The following ZNF862 variants were observed in gnomAD, a reference collection of about 807,000 sequenced individuals.
The protein encoded by ZNF862 is zinc finger protein 862.
Under a neutral mutation model 91.1 loss-of-function variants are expected in ZNF862, and 64 were observed. The ratio of observed to expected loss-of-function variants is 0.70; its 90% confidence interval spans 0.57 to 0.87. The LOEUF is 0.87. Among genes scored for constraint, ZNF862 ranks in the 40% least tolerant of loss-of-function variants. The pLI is 0.00. For synonymous variants in ZNF862, 631 were observed against 618.1 expected, an observed-to-expected ratio of 1.02 and a Z score of -0.31; for missense variants, 1,459 against 1,528.0, an observed-to-expected ratio of 0.95 and a Z score of 0.75.
At chr7:149,849,503 C>T (rs1313810908) in intron 4 of ZNF862, among the ~76,000 whole-genome samples, 1 of 152,236 alleles carries the variant, frequency 6.6e-6, no homozygotes, top group Non-Finnish European at 1.5e-5. Context: ...AATTTTACAA[C>T]AAATCATTTT....
At chr7:149,842,685 A>G (rs1801748947) in intron 1 of ZNF862, among the ~76,000 whole-genome samples, 1 of 152,218 alleles carries the variant, frequency 6.6e-6, no homozygotes, top group African/African-American at 2.4e-5. Flanking sequence ...ATGGGCATGA[A>G]GAGGGATCCT....
intron 6 of ZNF862, 134 bp from the exon 7 acceptor site, chr7:149,860,248 CT>C: frequency 1.3e-6 from 1 of 789,162 alleles, no homozygotes; most frequent in Non-Finnish European, 2.0e-6. Context: ...ACGCCACTTT[CT>C]CTAGAAAGAA....
chr7:149,861,195 G>T lies in ZNF862; in HGVS notation c.2035G>T (p.Asp679Tyr). The T allele has an allele frequency of 6.2e-7, 1 of 1,612,700 alleles. No homozygotes were observed. The highest frequency in any genetic ancestry group is 8.5e-7 in the Non-Finnish European group (1 of 1,179,714). The change falls in exon 7 of 8, where the codon GAT (aspartate) becomes TAT (tyrosine). Residue 679 changes from aspartate to tyrosine, a missense_variant. Coordinates refer to ENST00000223210, the MANE Select transcript of ZNF862 (RefSeq NM_001099220.3). The surrounding 1 kb of genome is among the most constrained non-coding windows in gnomAD (Gnocchi z 6.7). ...GYFETIVSAL[D>Y]ELDIPFRKPG... ...CTTCGAGACCATCGTTTCTGCCCTG[G>T]ATGAGCTGGACATCCCCTTCCGGAA...
chr7:149,862,976 T>C (rs1802573716), intron 7 of ZNF862, among the ~76,000 whole-genome samples: 1 of 152,212 alleles, frequency 6.6e-6, no homozygotes, highest in African/African-American at 2.4e-5. Context: ...GTATAGACTC[T>C]GGACCGTGCA....
chr7:149,848,477 T>G (rs1563118970), intron 4 of ZNF862, 45 bp downstream of exon 4: 2 of 1,395,038 alleles, frequency 1.4e-6, no homozygotes, highest in Admixed American at 5.5e-5. Context: ...AGAAGGATTC[T>G]ATACTGAGAA....
chr7:149,850,376 T>C lies in ZNF862; in HGVS notation c.1117+38T>C, dbSNP rs1467830181. ...CGAGCCTCTTATTCACCACCCTCCT[T>C]TGACTTGGGAAGCCCACAAGGGGAG... On this transcript the variant is annotated intron_variant, in intron 5 of 7. Transcript: ENST00000223210. This position sits in a 1 kb window ranked among gnomAD's most constrained non-coding sequence, Gnocchi z 4.2. The C allele has an allele frequency of 6.3e-7, 1 of 1,577,858 alleles. No individual in the cohort carries two copies. The highest frequency in any genetic ancestry group is 2.3e-5 in the East Asian group (1 of 44,322).
At position 149,848,151 on chromosome 7, in the gene ZNF862, A is replaced by G; in HGVS notation, c.658A>G (p.Ile220Val). ...DPIWAARFRS[I>V]RDPPGDVLAS... ...CATCTGGGCAGCCCGGTTCCGGAGC[A>G]TCAGAGACCCACCTGGAGATGTTCT... The change falls in exon 4 of 8, where the codon ATC becomes GTC. Residue 220 changes from isoleucine to valine, a missense_variant. Ile to Val is a conservative substitution (Grantham distance 29). Coordinates refer to ENST00000223210, the MANE Select transcript of ZNF862 (RefSeq NM_001099220.3). 1.2e-6 allele frequency: 2 copies of G among 1,614,012 alleles called. No homozygotes were observed. The highest frequency in any genetic ancestry group is 1.7e-6 in the Non-Finnish European group (2 of 1,179,886).
rs1194072486 is a variant in ZNF862, at chr7:149,844,753, A to G, written c.136+17A>G. Reference sequence around the variant, plus strand: ...CACCACTGGGTATGGGTGCCCATCCACATCCCTGCCACTGTCAATTTAGAT... The same window carrying G: ...CACCACTGGGTATGGGTGCCCATCCGCATCCCTGCCACTGTCAATTTAGAT... On this transcript the variant is annotated intron_variant, in intron 2 of 7. Transcript: ENST00000223210. 2 of 1,493,314 alleles carry G rather than the reference A, an allele frequency of 1.3e-6. No homozygotes were observed. The highest frequency in any genetic ancestry group is 1.8e-6 in the Non-Finnish European group (2 of 1,089,826). The allele number at this position is 1,493,314 out of a possible 1,614,324, so 92.5% of individuals were successfully genotyped here. A position where few individuals can be genotyped will look rare whatever the true frequency, so the allele number is the denominator to read the frequency against.
intron 5 of ZNF862, chr7:149,858,856 GGGGC>G: frequency 8.2e-6 from 1 of 122,580 alleles, no homozygotes; most frequent in Non-Finnish European, 1.7e-5. Flanking sequence ...GCCAGCTGTG[GGGGC>G]AGAGGGGCAC....
At chr7:149,839,796 C>T (rs1344661437) in intron 1 of ZNF862, among the ~76,000 whole-genome samples, 2 of 152,122 alleles carry the variant, frequency 1.3e-5, no homozygotes, top group African/African-American at 2.4e-5. Flanking sequence ...TCAACAAAAC[C>T]CAAGCAAAGA....
intron 5 of ZNF862, among the ~76,000 whole-genome samples, chr7:149,853,767 A>T (rs1197960590): frequency 2.0e-5 from 3 of 152,102 alleles, no homozygotes; most frequent in African/African-American, 4.8e-5. Flanking sequence ...GCGAGACCCC[A>T]TCTCTACTAA....
chr7:149,840,522 C>G (rs1364879112), intron 1 of ZNF862, among the ~76,000 whole-genome samples: 1 of 152,082 alleles, frequency 6.6e-6, no homozygotes, highest in African/African-American at 2.4e-5. Flanking sequence ...TCAGTCATGT[C>G]CTAGGCCTTC....
chr7:149,853,853 G>T (rs6972739), intron 5 of ZNF862, among the ~76,000 whole-genome samples: 20,218 of 150,824 alleles, frequency 0.13, 1,439 homozygotes, highest in East Asian at 0.26. Flanking sequence ...CAGGAGAATC[G>T]CTTGAACCTG....
Position 149,838,638 on chromosome 7 carries a change from AG to A in ZNF862, c.24+5del. 2.4e-6 allele frequency: 3 copies of A among 1,225,956 alleles called. No individual in the cohort carries two copies. The highest frequency in any genetic ancestry group is 3.1e-6 in the Non-Finnish European group (3 of 978,212). The allele number at this position is 1,225,956 out of a possible 1,614,324, so 75.9% of individuals were successfully genotyped here. Reference sequence around the variant, plus strand: ...TGGAGCCCAGAGAGTCGGGGAAGGTAGGACTGGAAGGCCCGGGGGCCGCCCG... The same window carrying A: ...TGGAGCCCAGAGAGTCGGGGAAGGTAGACTGGAAGGCCCGGGGGCCGCCCG... On this transcript the variant is annotated splice_donor_region_variant and intron_variant, in intron 1 of 7. Transcript: ENST00000223210.
At chr7:149,863,080 G>A (rs949331722) in intron 7 of ZNF862, among the ~76,000 whole-genome samples, 6 of 152,198 alleles carry the variant, frequency 3.9e-5, no homozygotes, top group Non-Finnish European at 8.8e-5. Context: ...TCACGGGGCA[G>A]GGGAGAACAG....
intron 1 of ZNF862, among the ~76,000 whole-genome samples, chr7:149,843,040 A>G (rs1302216144): frequency 6.6e-6 from 1 of 152,264 alleles, no homozygotes; most frequent in Non-Finnish European, 1.5e-5. Flanking sequence ...GGGAGGTTAT[A>G]TACCAAATGT....
At chr7:149,857,057 T>C (rs950861064) in intron 5 of ZNF862, among the ~76,000 whole-genome samples, 8 of 152,224 alleles carry the variant, frequency 5.3e-5, no homozygotes, top group African/African-American at 1.7e-4. Flanking sequence ...CTGAAAGCTT[T>C]TGAAATTGAT....
Position 149,859,538 on chromosome 7 carries a change from C to T in ZNF862, c.1222+12C>T, listed in dbSNP as rs749972830. On this transcript the variant is annotated intron_variant, in intron 6 of 7. Coordinates refer to ENST00000223210, the MANE Select transcript of ZNF862 (RefSeq NM_001099220.3). Reference sequence around the variant, plus strand: ...AGGTCGTCCTCCAGGTGAGTGTAAACCTACAGCATTCTGAAGGACATGTGC... The same window carrying T: ...AGGTCGTCCTCCAGGTGAGTGTAAATCTACAGCATTCTGAAGGACATGTGC... 1.9e-6 allele frequency: 3 copies of T among 1,551,270 alleles called. No individual in the cohort carries two copies. Among genetic ancestry groups the T allele is most frequent in the Non-Finnish European group, 2.6e-6 (3 of 1,145,418 alleles).
intron 1 of ZNF862, among the ~76,000 whole-genome samples, chr7:149,839,059 G>T (rs1801618483): frequency 1.3e-5 from 2 of 152,238 alleles, no homozygotes; most frequent in African/African-American, 4.8e-5. Flanking sequence ...CCAAGAAAGG[G>T]CTGAAAAGAG....
Sources: allele counts gnomAD v4.1 joint callset (sites outside exome capture counted in the v4.1 genomes callset), GRCh38; gene constraint gnomAD v4.1.1; non-coding constraint Gnocchi (gnomAD v3.1); transcripts MANE v1.5; gene names NCBI Gene and HGNC (gene_info 2026-07-23, HGNC 2026-07-21).